The following SELENOO variants were observed in gnomAD, a reference collection of about 807,000 sequenced individuals.
SELENOO encodes the protein selenoprotein O, also known as protein adenylyltransferase SelO, mitochondrial.
In SELENOO, 74 loss-of-function variants were observed where a neutral mutation model predicts 58.7. That is an observed-to-expected ratio of 1.26 (90% CI 1.04 to 1.53). The LOEUF (loss-of-function observed/expected upper bound fraction) is 1.53. Among genes scored for constraint, SELENOO ranks in the 40% most tolerant of loss-of-function variants. The pLI, the probability that SELENOO is intolerant of heterozygous loss-of-function variation, is 0.00. For synonymous variants in SELENOO, 543 were observed against 453.2 expected, an observed-to-expected ratio of 1.20 and a Z score of -2.52; for missense variants, 1,149 against 970.0, an observed-to-expected ratio of 1.18 and a Z score of -2.45.
At chr22:50,205,503 T>C (rs1160095059) in intron 1 of SELENOO, 1 of 152,228 alleles carries the variant, frequency 6.6e-6, no homozygotes, top group East Asian at 1.9e-4. Flanking sequence ...AGGGTGGTGC[T>C]GCAGTGAGCC....
intron 2 of SELENOO, 173 bp from the exon 3 acceptor site, chr22:50,208,363 G>A: frequency 5.5e-6 from 3 of 543,592 alleles, no homozygotes; most frequent in South Asian, 2.3e-5. Context: ...CCAGAAGTTG[G>A]AGGTTGTGGT....
rs1602497781 is a variant in SELENOO, at chr22:50,216,577, G to A, written c.1503-114G>A. 1.1e-5 allele frequency: 11 copies of A among 993,970 alleles called. 1 individual carries two copies. In the East Asian group the frequency reaches 2.9e-4, roughly 26 times the overall value. 61.6% of individuals were successfully genotyped at this position (993,970 alleles called of 1,614,324 possible). A position where few individuals can be genotyped will look rare whatever the true frequency, so the allele number is the denominator to read the frequency against. On this transcript the variant is annotated intron_variant, in intron 6 of 8. Transcript: ENST00000380903. Reference sequence around the variant, plus strand: ...AGGGACCTCGGGGACCGGGCTGCTTGGGCCCTTGGACTCTAGGTGAGCCGT... The same window carrying A: ...AGGGACCTCGGGGACCGGGCTGCTTAGGCCCTTGGACTCTAGGTGAGCCGT...
chr22:50,208,803 A>G lies in SELENOO; in HGVS notation c.939+87A>G, dbSNP rs916284972. On this transcript the variant is annotated intron_variant, in intron 3 of 8. Transcript: ENST00000380903. ...AAGACACCCTCATTTTGGCCGGGGG[A>G]CAAAGGCTTTTACCCAGCCTCCCCG... 9 of 1,345,290 alleles carry G rather than the reference A, an allele frequency of 6.7e-6. No homozygotes were observed. In the African/African-American group the frequency reaches 1.2e-4, roughly 17 times the overall value. The allele number at this position is 1,345,290 out of a possible 1,614,324, so 83.3% of individuals were successfully genotyped here.
chr22:50,211,171 C>G (rs1482716703), intron 5 of SELENOO, among the ~76,000 whole-genome samples: 1 of 152,174 alleles, frequency 6.6e-6, no homozygotes, highest in African/African-American at 2.4e-5. Context: ...AGGTCCGTAT[C>G]AGGATTTTAT....
rs2064364149 is a variant in SELENOO at position 50,210,688 on chromosome 22, C to T, written c.1128C>T (p.Ser376=). 6.2e-7 allele frequency: 1 copy of T among 1,613,222 alleles called. No individual in the cohort carries two copies. The highest frequency in any genetic ancestry group is 1.3e-5 in the African/African-American group (1 of 74,960). ...ASDNTGRYAY[S]KQPEVCRWNL... ...ACAACACCGGCCGCTACGCGTACAG[C>T]AAGCAGCCCGAGGTGTGCAGGTGGA... The change falls in exon 5 of 9, where the codon AGC becomes AGT. Residue 376 remains serine, a synonymous_variant. Coordinates refer to ENST00000380903, the MANE Select transcript of SELENOO (RefSeq NM_031454.2).
intron 6 of SELENOO, 43 bp from the exon 7 acceptor site, chr22:50,216,648 C>A: frequency 6.6e-7 from 1 of 1,520,286 alleles, no homozygotes; most frequent in Non-Finnish European, 8.8e-7. Context: ...AGGGCAGGGA[C>A]ACGGTCAGGG....
chr22:50,214,385 C>T (rs924430696), intron 5 of SELENOO, among the ~76,000 whole-genome samples: 32 of 152,170 alleles, frequency 2.1e-4, no homozygotes, highest in East Asian at 9.7e-4. Flanking sequence ...TTTGGGAGGC[C>T]GAGGCAGGCA....
chr22:50,204,183 G>T (rs1415848523), intron 1 of SELENOO, among the ~76,000 whole-genome samples: 1 of 152,172 alleles, frequency 6.6e-6, no homozygotes, highest in Non-Finnish European at 1.5e-5. Context: ...TTAAAAAAAG[G>T]TTGACCTGGG....
In SELENOO at chr22:50,217,206, T is replaced by C; in HGVS notation, c.1847T>C (p.Val616Ala). The change falls in exon 9 of 9, where the codon GTG (valine) becomes GCG (alanine). Residue 616 changes from valine (V) to alanine (A), a missense_variant and splice_region_variant. Transcript: ENST00000380903. Reference protein sequence around the residue: ...EAAERGDFSEVRRVLKLLETP... With the variant: ...EAAERGDFSEARRVLKLLETP... Reference sequence around the variant, plus strand: ...CCTCTCACCCTCCTGATCCTCCAGGTGCGGCGGGTGCTGAAACTACTGGAG... The same window carrying C: ...CCTCTCACCCTCCTGATCCTCCAGGCGCGGCGGGTGCTGAAACTACTGGAG... 2 of 1,610,220 alleles carry C rather than the reference T, an allele frequency of 1.2e-6. No individual in the cohort carries two copies. Among genetic ancestry groups the C allele is most frequent in the Non-Finnish European group, 1.7e-6 (2 of 1,178,146 alleles).
intron 2 of SELENOO, 116 bp downstream of exon 2, chr22:50,206,636 TTC>T: frequency 1.1e-6 from 1 of 927,534 alleles, no homozygotes; most frequent in Non-Finnish European, 1.6e-6. Context: ...CCTTGGCCTC[TTC>T]TGAAAGTCCA....
rs767204913 is a variant in SELENOO, at chr22:50,216,746, A to G, written c.1558A>G (p.Met520Val). 2.9e-5 allele frequency: 46 copies of G among 1,607,246 alleles called. No individual in the cohort carries two copies. In the East Asian group the frequency reaches 9.2e-4, roughly 32 times the overall value. ...GTCAAACCCGCAGCTGTTCGCGCTT[A>G]TGGGCACCCGGGCAGGCATCGCCAG... is the stretch of plus-strand genomic sequence containing the variant. ...AQSNPQLFAL[M>V]GTRAGIAREL... Residue 520 changes from methionine (M) to valine (V), a missense_variant, in exon 7 of 9, where the codon ATG becomes GTG. Physicochemically the swap from Met to Val is conservative, Grantham distance 21 (BLOSUM62 1). Transcript: ENST00000380903.
chr22:50,210,816 T>C lies in SELENOO; in HGVS notation c.1256T>C (p.Leu419Pro), dbSNP rs1602493237. ...EFDAEFQRHY[L>P]QKMRRKLGLV... ...GACGCCGAGTTCCAAAGGCACTACC[T>C]GCAGAAGATGCGCAGGAAGCTGGGC... is the stretch of plus-strand genomic sequence containing the variant. Residue 419 changes from leucine to proline, a missense_variant, in exon 5 of 9, where the codon CTG becomes CCG. Transcript: ENST00000380903. 6.2e-7 allele frequency: 1 copy of C among 1,614,074 alleles called. No individual in the cohort carries two copies. Among genetic ancestry groups the C allele is most frequent in the Non-Finnish European group, 8.5e-7 (1 of 1,180,026 alleles).
Position 50,201,507 on chromosome 22 carries a change from C to A in SELENOO, c.471C>A (p.Ala157=). The part of the protein sequence containing the change: ...QFAGQLGDGA[A]MYLGEVCTAT... The stretch of plus-strand genomic sequence containing the variant: ...CCGGGCAGCTGGGCGACGGCGCCGC[C>A]ATGTACCTGGGCGAGGTGTGCACGG... Residue 157 remains alanine (A), a synonymous_variant, in exon 1 of 9, where the codon GCC becomes GCA. Coordinates refer to ENST00000380903, the MANE Select transcript of SELENOO (RefSeq NM_031454.2). 1.4e-6 allele frequency: 2 copies of A among 1,429,306 alleles called. No individual in the cohort carries two copies. Among genetic ancestry groups the A allele is most frequent in the South Asian group, 1.4e-5 (1 of 73,604 alleles). 88.5% of individuals were successfully genotyped at this position (1,429,306 alleles called of 1,614,324 possible). A position where few individuals can be genotyped will look rare whatever the true frequency, so the allele number is the denominator to read the frequency against.
Position 50,208,526 on chromosome 22 carries a change from T to G in SELENOO, c.759-10T>G. ...GTTTGGGCTGTTGACGCCTCGGGTC[T>G]TCCCTCCAGGTTTGGATCCTTTGAG... On this transcript the variant is annotated splice_polypyrimidine_tract_variant and intron_variant, in intron 2 of 8. Transcript: ENST00000380903. 1.9e-6 allele frequency: 3 copies of G among 1,610,374 alleles called. No individual in the cohort carries two copies. Among genetic ancestry groups the G allele is most frequent in the Non-Finnish European group, 2.5e-6 (3 of 1,177,262 alleles).
intron 5 of SELENOO, among the ~76,000 whole-genome samples, chr22:50,212,548 G>A (rs971838158): frequency 4.6e-5 from 7 of 152,332 alleles, no homozygotes; most frequent in Admixed American, 3.3e-4. Context: ...CTGTACAGCC[G>A]AGCCCTGGAG....
At chr22:50,207,265 A>G (rs1472080308) in intron 2 of SELENOO, among the ~76,000 whole-genome samples, 1 of 152,068 alleles carries the variant, frequency 6.6e-6, no homozygotes, top group Non-Finnish European at 1.5e-5. Flanking sequence ...CTGGGGTTAC[A>G]GACGTGCGCC....
chr22:50,214,912 C>T (rs769786201), intron 5 of SELENOO, among the ~76,000 whole-genome samples: 27 of 152,332 alleles, frequency 1.8e-4, no homozygotes, highest in Non-Finnish European at 2.5e-4. Flanking sequence ...ACATGGAAAT[C>T]GTCTTTTCAC....
rs75962939 is a variant in SELENOO at position 50,216,561 on chromosome 22, G to A, written c.1503-130G>A. On this transcript the variant is annotated intron_variant, in intron 6 of 8. Transcript: ENST00000380903. ...CTGCCAGTGGGGTTCCAGGGACCTC[G>A]GGGACCGGGCTGCTTGGGCCCTTGG... 1.8e-3 allele frequency: 1,532 copies of A among 839,922 alleles called. 30 individuals are homozygous for A. In the East Asian group the frequency reaches 0.039, roughly 22 times the overall value. The allele number at this position is 839,922 out of a possible 1,614,324, so 52.0% of individuals were successfully genotyped here.
Position 50,216,842 on chromosome 22 carries a change from C to T in SELENOO, c.1654C>T (p.Gln552Ter), listed in dbSNP as rs1223883597. The T allele has an allele frequency of 1.2e-6, 2 of 1,608,764 alleles. No homozygotes were observed. Among genetic ancestry groups the T allele is most frequent in the Admixed American group, 1.7e-5 (1 of 60,012 alleles). The change falls in exon 7 of 9, where the codon CAG becomes TAG. Residue 552 changes from glutamine (Q) to a stop codon, truncating the protein, a stop_gained. Coordinates refer to ENST00000380903, the MANE Select transcript of SELENOO (RefSeq NM_031454.2). LOFTEE classifies it high-confidence loss of function. ...LSAAELQSRN[Q>*]GHWADWLQAY... ...TGCGGCAGAGCTGCAGAGCAGGAACCAGGGCCACTGGGCTGACTGGCTACA... is the reference window on the plus strand; with the variant it reads ...TGCGGCAGAGCTGCAGAGCAGGAACTAGGGCCACTGGGCTGACTGGCTACA...
Sources: allele counts gnomAD v4.1 joint callset (sites outside exome capture counted in the v4.1 genomes callset), GRCh38; gene constraint gnomAD v4.1.1; transcripts MANE v1.5; gene names NCBI Gene and HGNC (gene_info 2026-07-23, HGNC 2026-07-21).